The following ERBB4 variants were observed in gnomAD, a reference collection of about 807,000 sequenced individuals.
The protein encoded by ERBB4 is receptor tyrosine-protein kinase erbB-4.
A neutral mutation model predicts 158.0 loss-of-function variants in ERBB4; 42 were observed. The ratio of observed to expected loss-of-function variants is 0.27; its 90% CI spans 0.21 to 0.34. The LOEUF is 0.34. ERBB4 is among the 10% of genes least tolerant of loss of function. The pLI, the probability that ERBB4 is intolerant of heterozygous loss-of-function variation, is 1.00. For synonymous variants in ERBB4, 583 were observed against 558.7 expected, an observed-to-expected ratio of 1.04 and a Z score of -0.61; for missense variants, 1,333 against 1,624.1, an observed-to-expected ratio of 0.82 and a Z score of 3.08.
chr2:212,370,098 A>C (rs2090034187), intron 1 of ERBB4, among the ~76,000 whole-genome samples: 1 of 151,962 alleles, frequency 6.6e-6, no homozygotes, highest in Non-Finnish European at 1.5e-5. Flanking sequence ...TAATCCCCCC[A>C]CCTGTCAAGG....
At chr2:211,714,970 G>T in intron 7 of ERBB4, among the ~76,000 whole-genome samples, 1 of 152,176 alleles carries the variant, frequency 6.6e-6, no homozygotes. Flanking sequence ...AAAGCTAACA[G>T]AGTAAGACAC....
At chr2:211,954,630 T>G (rs529152612) in intron 2 of ERBB4, among the ~76,000 whole-genome samples, 11 of 151,972 alleles carry the variant, frequency 7.2e-5, no homozygotes, top group African/African-American at 2.7e-4. Context: ...CAGAGAAGAG[T>G]AGGGAACAGA....
chr2:211,571,805 C>G (rs11903812), intron 19 of ERBB4, among the ~76,000 whole-genome samples: 3,459 of 152,290 alleles, frequency 0.023, 132 homozygotes, highest in African/African-American at 0.079. Context: ...CCCTCCCACA[C>G]TTACTCCATT....
At chr2:212,086,181 A>G (rs988515233) in intron 2 of ERBB4, among the ~76,000 whole-genome samples, 1 of 152,040 alleles carries the variant, frequency 6.6e-6, no homozygotes, top group African/African-American at 2.4e-5. Context: ...GGATATAAGC[A>G]TAAAAGTGAT....
In ERBB4 at chr2:212,289,050, A is replaced by G. The variant is rs112985777; in HGVS notation, c.83-164147T>C. Reference sequence around the variant, plus strand: ...GACTGAGAAAAAGAAACCTCCTGACAACACAGCCAAGCAGAACACCAGAAA... The same window carrying G: ...GACTGAGAAAAAGAAACCTCCTGACGACACAGCCAAGCAGAACACCAGAAA... On this transcript the variant is annotated intron_variant, in intron 1 of 27. Transcript: ENST00000342788. Among the ~76,000 whole-genome samples, 831 of 152,168 alleles carry G rather than the reference A, an allele frequency of 5.5e-3. 4 individuals carry two copies. The highest frequency in any genetic ancestry group is 0.017 in the Middle Eastern group (5 of 294).
intron 1 of ERBB4, among the ~76,000 whole-genome samples, chr2:212,349,338 C>T (rs909276274): frequency 1.3e-5 from 2 of 149,642 alleles, no homozygotes; most frequent in African/African-American, 4.9e-5. Context: ...AAGTGTTTGA[C>T]AGCCCTGCTG....
At chr2:211,551,030 C>T (rs891478775) in intron 20 of ERBB4, among the ~76,000 whole-genome samples, 3 of 151,438 alleles carry the variant, frequency 2.0e-5, no homozygotes, top group Non-Finnish European at 4.4e-5. Flanking sequence ...GCAATCTGCG[C>T]CTCACCGGCT....
Position 211,619,205 on chromosome 2 carries a change from C to G in ERBB4, c.2273G>C (p.Gly758Ala), listed in dbSNP as rs1241007104. 2 of 1,610,676 alleles carry G rather than the reference C, an allele frequency of 1.2e-6. No homozygotes were observed. The highest frequency in any genetic ancestry group is 2.2e-5 in the South Asian group (2 of 91,016). The change falls in exon 19 of 28, where the codon GGT (glycine) becomes GCT (alanine). Residue 758 changes from glycine (G) to alanine (A), a missense_variant. Transcript: ENST00000342788. ...CATGAACTCCACATTTGCCTTGGGA[C>G]CAGTTGTCTCATTAAGAATCTTAAT... ...VAIKILNETT[G>A]PKANVEFMDE...
chr2:211,549,564 T>A (rs12469929), intron 20 of ERBB4, among the ~76,000 whole-genome samples: 25,036 of 151,984 alleles, frequency 0.16, 2,294 homozygotes, highest in African/African-American at 0.23. Flanking sequence ...GTACAAGAGT[T>A]ATGTGGCAAA....
chr2:211,449,744 A>C (rs2064196714), intron 20 of ERBB4, among the ~76,000 whole-genome samples: 1 of 152,240 alleles, frequency 6.6e-6, no homozygotes, highest in Admixed American at 6.5e-5. Flanking sequence ...ATTGTAGTTA[A>C]TGGATACAAT....
chr2:212,498,726 T>C (rs889261099), intron 1 of ERBB4, among the ~76,000 whole-genome samples: 2 of 152,044 alleles, frequency 1.3e-5, no homozygotes, highest in African/African-American at 4.8e-5. Context: ...CTACAAGAAA[T>C]GACTCATAAT....
chr2:212,038,456 G>T (rs529215056), intron 2 of ERBB4, among the ~76,000 whole-genome samples: 1 of 152,164 alleles, frequency 6.6e-6, no homozygotes, highest in Admixed American at 6.6e-5. Context: ...AGTCCCCATG[G>T]TTACCAGCAA....
chr2:211,930,289 C>T (rs889430432), intron 3 of ERBB4, among the ~76,000 whole-genome samples: 1 of 151,996 alleles, frequency 6.6e-6, no homozygotes, highest in South Asian at 2.1e-4. Context: ...GGTCTTGTAT[C>T]CAAGCATATG....
chr2:212,250,795 A>G (rs2084503285), intron 1 of ERBB4, among the ~76,000 whole-genome samples: 1 of 134,368 alleles, frequency 7.4e-6, no homozygotes, highest in Admixed American at 7.0e-5. Flanking sequence ...GATTATGGTG[A>G]AAAAAAACCA....
intron 16 of ERBB4, among the ~76,000 whole-genome samples, chr2:211,656,427 T>A (rs1344045478): frequency 4.6e-5 from 7 of 152,242 alleles, no homozygotes; most frequent in African/African-American, 1.7e-4. Context: ...AAGCTAACAA[T>A]ATCTCTACAT....
At chr2:211,944,467 T>G (rs2080622652) in intron 3 of ERBB4, among the ~76,000 whole-genome samples, 1 of 151,576 alleles carries the variant, frequency 6.6e-6, no homozygotes, top group East Asian at 1.9e-4. Context: ...CTTCCTTATC[T>G]TTAAGTCATT....
intron 1 of ERBB4, among the ~76,000 whole-genome samples, chr2:212,369,788 G>C (rs1253940414): frequency 6.6e-6 from 1 of 151,954 alleles, no homozygotes; most frequent in Non-Finnish European, 1.5e-5. Flanking sequence ...GAAATTGTGG[G>C]CTCAAGAAAT....
intron 1 of ERBB4, among the ~76,000 whole-genome samples, chr2:212,300,744 C>T (rs1056024588): frequency 6.6e-6 from 1 of 151,398 alleles, no homozygotes; most frequent in Admixed American, 6.6e-5. Flanking sequence ...TTAGATGAAC[C>T]ATTAACAATG....
At chr2:212,134,842 C>T (rs1318765849) in intron 1 of ERBB4, among the ~76,000 whole-genome samples, 1 of 152,074 alleles carries the variant, frequency 6.6e-6, no homozygotes, top group Non-Finnish European at 1.5e-5. Flanking sequence ...CGCCACCATG[C>T]CTGGCTAATT....
Sources: allele counts gnomAD v4.1 joint callset (sites outside exome capture counted in the v4.1 genomes callset), GRCh38; gene constraint gnomAD v4.1.1; transcripts MANE v1.5; gene names NCBI Gene and HGNC (gene_info 2026-07-23, HGNC 2026-07-21).